Variants in DPT observed in about 807,000 individuals in gnomAD.
DPT encodes tyrosine-rich acidic matrix protein.
DPT carries 21 observed loss-of-function variants against 31.2 expected under a neutral mutation model. The ratio of observed to expected loss-of-function variants is 0.67; its 90% confidence interval spans 0.48 to 0.97. The LOEUF (loss-of-function observed/expected upper bound fraction) is 0.97, where lower values mean the gene tolerates loss of function less well. Among genes scored for constraint, DPT ranks in the 50% least tolerant of loss-of-function variants. The pLI is 0.00. For missense variants in DPT, 262 were observed against 258.8 expected (o/e 1.01, Z -0.08); for synonymous variants, 91 against 86.9 (o/e 1.05, Z -0.26).
intron 1 of DPT, among the ~76,000 whole-genome samples, chr1:168,720,950 T>C (rs747965990): frequency 1.3e-5 from 2 of 152,258 alleles, no homozygotes; most frequent in African/African-American, 2.4e-5. Flanking sequence ...TAGAACTTAC[T>C]CTATACCTGA....
intron 3 of DPT, 101 bp downstream of exon 3, chr1:168,700,916 T>G: frequency 8.2e-6 from 6 of 728,540 alleles, no homozygotes; most frequent in East Asian, 5.0e-5. Context: ...TGGGTGTGTG[T>G]GTGTGTGTGT....
chr1:168,701,185 C>A, intron 2 of DPT, 61 bp from the exon 3 acceptor site: 1 of 1,250,200 alleles, frequency 8.0e-7, no homozygotes, highest in South Asian at 1.2e-5. Flanking sequence ...TGGGAGCAAA[C>A]AGAAGACACA....
chr1:168,697,526 AC>A (rs1322782978), intron 3 of DPT, among the ~76,000 whole-genome samples: 1 of 152,214 alleles, frequency 6.6e-6, no homozygotes, highest in African/African-American at 2.4e-5. Context: ...ACATAGCATT[AC>A]TAAATTTTGA....
chr1:168,708,168 A>AT (rs1336035395), intron 2 of DPT, among the ~76,000 whole-genome samples: 4 of 152,068 alleles, frequency 2.6e-5, no homozygotes, highest in Non-Finnish European at 5.9e-5. Flanking sequence ...TATTTGTATC[A>AT]TTTTTTATTG....
At chr1:168,720,491 G>A (rs962436609) in intron 1 of DPT, among the ~76,000 whole-genome samples, 7 of 152,274 alleles carry the variant, frequency 4.6e-5, no homozygotes, top group Middle Eastern at 3.4e-3. Flanking sequence ...TAGGTGGTGT[G>A]GTGTGGGGTT....
intron 2 of DPT, among the ~76,000 whole-genome samples, chr1:168,701,669 T>G (rs187418891): frequency 4.8e-4 from 73 of 152,368 alleles, no homozygotes; most frequent in African/African-American, 1.7e-3. Flanking sequence ...TTGTGAGTTA[T>G]AGTCAACAAA....
chr1:168,714,737 A>G (rs1171979200), intron 1 of DPT, among the ~76,000 whole-genome samples: 2 of 152,252 alleles, frequency 1.3e-5, no homozygotes, highest in Non-Finnish European at 2.9e-5. Flanking sequence ...TTAAAATAAA[A>G]AGAAGACAAA....
intron 1 of DPT, among the ~76,000 whole-genome samples, chr1:168,723,551 T>C (rs747370265): frequency 1.3e-5 from 2 of 152,334 alleles, no homozygotes; most frequent in South Asian, 2.1e-4. Flanking sequence ...CCTATACTTA[T>C]GTAAAGTTAT....
intron 2 of DPT, among the ~76,000 whole-genome samples, chr1:168,701,536 G>A (rs756137777): frequency 8.5e-5 from 13 of 152,110 alleles, no homozygotes; most frequent in Non-Finnish European, 1.8e-4. Context: ...AAATAGAAAA[G>A]AAAATATAAA....
chr1:168,728,601 A>G (rs1572635322), intron 1 of DPT, among the ~76,000 whole-genome samples: 1 of 152,158 alleles, frequency 6.6e-6, no homozygotes, highest in East Asian at 1.9e-4. Context: ...CCCCTGGCCC[A>G]AACTGAGAGT....
At position 168,698,186 on chromosome 1, in the gene DPT, G is replaced by A. The variant is rs1557845054; in HGVS notation, c.540-1571C>T. Reference sequence around the variant, plus strand: ...AAGCAGGGCTCACTCTGCTCAAACAGCCTAAGGCAGGCTTTCTAATTCTGA... The same window carrying A: ...AAGCAGGGCTCACTCTGCTCAAACAACCTAAGGCAGGCTTTCTAATTCTGA... On this transcript the variant is annotated intron_variant, in intron 3 of 3. Transcript: ENST00000367817. Among the ~76,000 whole-genome samples, 4 of 152,154 alleles carry A rather than the reference G, an allele frequency of 2.6e-5. No homozygotes were observed. In the South Asian group the frequency reaches 6.2e-4, roughly 24 times the overall value.
intron 1 of DPT, among the ~76,000 whole-genome samples, chr1:168,721,949 C>G (rs1650124962): frequency 6.6e-6 from 1 of 152,198 alleles, no homozygotes; most frequent in South Asian, 2.1e-4. Flanking sequence ...AACAGTGAAG[C>G]AGAAATGACC....
intron 1 of DPT, among the ~76,000 whole-genome samples, chr1:168,727,471 A>G (rs1280222514): frequency 1.3e-5 from 2 of 150,594 alleles, no homozygotes; most frequent in Non-Finnish European, 3.0e-5. Flanking sequence ...TTCCTCTTGG[A>G]TTTCCCATCA....
intron 2 of DPT, among the ~76,000 whole-genome samples, chr1:168,706,974 GT>G (rs1485920971): frequency 6.6e-6 from 1 of 152,152 alleles, no homozygotes; most frequent in Non-Finnish European, 1.5e-5. Flanking sequence ...AATTAAAATA[GT>G]TTTATTCTCT....
chr1:168,700,990 C>G (rs1207801769), intron 3 of DPT, 27 bp downstream of exon 3: 1 of 1,555,518 alleles, frequency 6.4e-7, no homozygotes, highest in East Asian at 2.2e-5. Context: ...TAACCCTAGC[C>G]CATTGGGAAG....
At chr1:168,711,906 T>C (rs143072486) in intron 2 of DPT, among the ~76,000 whole-genome samples, 1 of 152,314 alleles carries the variant, frequency 6.6e-6, no homozygotes, top group African/African-American at 2.4e-5. Context: ...GGGCTTGGCA[T>C]ATGTCAGCAC....
chr1:168,700,941 G>T (rs1649581374), intron 3 of DPT, 76 bp downstream of exon 3: 3 of 884,466 alleles, frequency 3.4e-6, no homozygotes, highest in African/African-American at 1.7e-5. Flanking sequence ...ATAAATTCCT[G>T]CAGGTAAAAT....
intron 3 of DPT, among the ~76,000 whole-genome samples, chr1:168,700,551 T>C (rs961550658): frequency 3.3e-5 from 5 of 152,162 alleles, no homozygotes; most frequent in African/African-American, 1.2e-4. Context: ...GGGTCCATTT[T>C]GACAATGGGC....
intron 2 of DPT, among the ~76,000 whole-genome samples, chr1:168,702,451 C>T (rs566380651): frequency 2.0e-5 from 3 of 152,078 alleles, no homozygotes; most frequent in South Asian, 4.1e-4. Flanking sequence ...TTTCCTAAGA[C>T]GTAATTATGC....
Sources: gnomAD v4.1 joint callset for allele counts (sites outside exome capture counted in the v4.1 genomes callset) on GRCh38, gnomAD v4.1.1 for gene constraint, MANE v1.5 for transcripts, NCBI Gene and HGNC (gene_info 2026-07-23, HGNC 2026-07-21) for gene names.